The following MARCHF2 variants were observed in gnomAD, a reference collection of about 807,000 sequenced individuals.
The protein encoded by MARCHF2 is E3 ubiquitin-protein ligase MARCHF2.
MARCHF2 carries 22 observed loss-of-function variants against 24.0 expected under a neutral mutation model. The ratio of observed to expected loss-of-function variants is 0.92; its 90% confidence interval spans 0.66 to 1.31. The LOEUF (loss-of-function observed/expected upper bound fraction) is 1.31. Ranked by LOEUF, MARCHF2 falls within the 50% of genes most tolerant of loss-of-function variation. The probability of loss-of-function intolerance (pLI) is 0.00; values close to 1 mark genes in which losing one functional copy is unlikely to be tolerated. For synonymous variants in MARCHF2, 154 were observed against 153.0 expected (o/e 1.01, Z -0.05); for missense variants, 301 against 335.3 (o/e 0.90, Z 0.80).
intron 3 of MARCHF2, among the ~76,000 whole-genome samples, chr19:8,429,890 G>A (rs1333422596): frequency 3.4e-5 from 5 of 146,574 alleles, no homozygotes; most frequent in Non-Finnish European, 5.9e-5. Context: ...AGCCAAAGAC[G>A]CTTCGGCCCT....
At chr19:8,433,675 C>CAAAAAAAAAAA (rs143853447) in intron 4 of MARCHF2, among the ~76,000 whole-genome samples, 1 of 90,702 alleles carries the variant, frequency 1.1e-5, no homozygotes, top group African/African-American at 4.0e-5. Context: ...GACTCCGTCT[C>CAAAAAAAAAAA]AAAAAAAAAA....
intron 2 of MARCHF2, chr19:8,423,252 G>T (rs920176878): frequency 4.0e-5 from 6 of 150,810 alleles, no homozygotes; most frequent in African/African-American, 1.5e-4. Context: ...TTTTAGTAGA[G>T]ACGGGGTTTC....
intron 3 of MARCHF2, 145 bp downstream of exon 3, chr19:8,426,949 G>A: frequency 1.5e-6 from 1 of 676,028 alleles, no homozygotes; most frequent in Non-Finnish European, 2.5e-6. Flanking sequence ...GTCTGCTGAT[G>A]GTGTGTCAGA....
At chr19:8,414,221 T>G (rs1268336519) in intron 1 of MARCHF2, among the ~76,000 whole-genome samples, 1 of 152,184 alleles carries the variant, frequency 6.6e-6, no homozygotes, top group African/African-American at 2.4e-5. Context: ...CTAATAGTTA[T>G]TAACTTCTTA....
chr19:8,421,538 G>A (rs1226905430), intron 1 of MARCHF2, among the ~76,000 whole-genome samples: 1 of 151,982 alleles, frequency 6.6e-6, no homozygotes, highest in African/African-American at 2.4e-5. Context: ...GGGAAGCATA[G>A]CTTTTCTTAG....
chr19:8,421,703 C>T, intron 1 of MARCHF2, 86 bp from the exon 2 acceptor site: 1 of 695,454 alleles, frequency 1.4e-6, no homozygotes, highest in South Asian at 2.0e-5. Context: ...CTAGTGGTCC[C>T]TACAGCCTTG....
chr19:8,420,259 A>G (rs910678915), intron 1 of MARCHF2, among the ~76,000 whole-genome samples: 2 of 151,356 alleles, frequency 1.3e-5, no homozygotes, highest in Non-Finnish European at 2.9e-5. Context: ...GAGGCAGGAG[A>G]ATCGCTTGAA....
chr19:8,437,572 C>CG (rs950207141), intron 4 of MARCHF2, among the ~76,000 whole-genome samples: 54 of 150,412 alleles, frequency 3.6e-4, no homozygotes, highest in Middle Eastern at 3.3e-3. Flanking sequence ...AGGATGGTCT[C>CG]GATCTCCTGA....
intron 1 of MARCHF2, among the ~76,000 whole-genome samples, chr19:8,419,870 A>C (rs1476751010): frequency 6.8e-6 from 1 of 146,758 alleles, no homozygotes; most frequent in Non-Finnish European, 1.5e-5. Context: ...ATAAAAATAA[A>C]AATAATTGCC....
intron 1 of MARCHF2, among the ~76,000 whole-genome samples, chr19:8,416,915 A>G (rs962913098): frequency 1.1e-4 from 16 of 152,140 alleles, no homozygotes; most frequent in African/African-American, 3.9e-4. Flanking sequence ...CCTTTGAAGG[A>G]GACACTTATA....
chr19:8,428,649 C>CAAAAAAAAAAA lies in MARCHF2; in HGVS notation c.372+1869_372+1879dup, dbSNP rs59542078. On this transcript the variant is annotated intron_variant, in intron 3 of 4. Transcript: ENST00000215555. Reference sequence around the variant, plus strand: ...TGGGCAACAGATTGAGACTCTATCTCAAAAAAAAAAAAAAAAAAAAAAAAA... The same window carrying CAAAAAAAAAAA: ...TGGGCAACAGATTGAGACTCTATCTCAAAAAAAAAAAAAAAAAAAAAAAAAAAAAAAAAAAA... Among the ~76,000 whole-genome samples the CAAAAAAAAAAA allele has an allele frequency of 1.8e-3, 54 of 30,650 alleles. 10 individuals are homozygous for CAAAAAAAAAAA. The highest frequency in any genetic ancestry group is 2.1e-3 in the Non-Finnish European group (39 of 18,318). 20.1% of individuals were successfully genotyped at this position (30,650 alleles called of 152,430 possible). A position where few individuals can be genotyped will look rare whatever the true frequency, so the allele number is the denominator to read the frequency against.
chr19:8,415,951 T>C (rs1381084354), intron 1 of MARCHF2, among the ~76,000 whole-genome samples: 4 of 151,996 alleles, frequency 2.6e-5, no homozygotes, highest in Admixed American at 6.6e-5. Flanking sequence ...AGCCTCTAAA[T>C]ATCTCTGATG....
At chr19:8,433,310 AG>A (rs1461133626) in intron 4 of MARCHF2, among the ~76,000 whole-genome samples, 2 of 152,008 alleles carry the variant, frequency 1.3e-5, no homozygotes, top group Admixed American at 1.3e-4. Context: ...TGGGAGGCTG[AG>A]GGGGGCATAT....
At chr19:8,421,667 A>G (rs1192810488) in intron 1 of MARCHF2, 122 bp from the exon 2 acceptor site, 4 of 541,310 alleles carry the variant, frequency 7.4e-6, no homozygotes, top group Non-Finnish European at 1.3e-5. Flanking sequence ...AGATGGTGCA[A>G]ACTGAGGCTC....
Position 8,438,538 on chromosome 19 carries a change from C to A in MARCHF2, c.733C>A (p.Pro245Thr). 4 of 1,614,050 alleles carry A rather than the reference C, an allele frequency of 2.5e-6. No individual in the cohort carries two copies. Among genetic ancestry groups the A allele is most frequent in the African/African-American group, 1.3e-5 (1 of 75,044 alleles). ...GLLKKVAEET[P>T]V ...CCTGAAGAAGGTGGCAGAGGAGACA[C>A]CAGTATGAATGCTGGGCTCTCCGGA... Residue 245 changes from proline (P) to threonine (T), a missense_variant, in exon 5 of 5, where the codon CCA becomes ACA. Pro to Thr is a conservative substitution (Grantham distance 38). Coordinates refer to ENST00000215555, the MANE Select transcript of MARCHF2 (RefSeq NM_001005415.2).
chr19:8,432,072 C>T (rs374982368), intron 4 of MARCHF2, among the ~76,000 whole-genome samples: 25 of 151,990 alleles, frequency 1.6e-4, no homozygotes, highest in African/African-American at 5.3e-4. Flanking sequence ...GCAGGAGCAT[C>T]GCTTAAACCC....
chr19:8,420,369 TAAATAA>T (rs1366036093), intron 1 of MARCHF2, among the ~76,000 whole-genome samples: 16 of 136,256 alleles, frequency 1.2e-4, no homozygotes, highest in Non-Finnish European at 1.6e-4. Flanking sequence ...TAAATAAATA[TAAATAA>T]AAATACAAAA....
chr19:8,430,550 A>T lies in MARCHF2; in HGVS notation c.373-108A>T. On this transcript the variant is annotated intron_variant, in intron 3 of 4. Transcript: ENST00000215555. This position sits in a 1 kb window ranked among gnomAD's most constrained non-coding sequence, Gnocchi z 4.4. Reference sequence around the variant, plus strand: ...AATCTGTCTCAAAAAAAAAAAAAAGAAAGAAGGAAAGGACAGAGGGAGGCC... The same window carrying T: ...AATCTGTCTCAAAAAAAAAAAAAAGTAAGAAGGAAAGGACAGAGGGAGGCC... The T allele has an allele frequency of 1.2e-6, 1 of 810,830 alleles. No homozygotes were observed. The highest frequency in any genetic ancestry group is 1.9e-6 in the Non-Finnish European group (1 of 518,084). The allele number at this position is 810,830 out of a possible 1,614,324, so 50.2% of individuals were successfully genotyped here. A position where few individuals can be genotyped will look rare whatever the true frequency, so the allele number is the denominator to read the frequency against.
chr19:8,438,733 T>G lies in MARCHF2; in HGVS notation c.*187T>G, dbSNP rs1223179925. ...CTGTGTGAAGATATTTTCAGGGTTT[T>G]TTTTTTTTTTTTTTTGCATATGGAG... On this transcript the variant is annotated 3_prime_UTR_variant, in exon 5 of 5. Coordinates refer to ENST00000215555, the MANE Select transcript of MARCHF2 (RefSeq NM_001005415.2). The G allele has an allele frequency of 2.7e-5, 14 of 518,728 alleles. No individual in the cohort carries two copies. Among genetic ancestry groups the G allele is most frequent in the South Asian group, 8.7e-5 (3 of 34,470 alleles). 32.1% of individuals were successfully genotyped at this position (518,728 alleles called of 1,614,324 possible). A position where few individuals can be genotyped will look rare whatever the true frequency, so the allele number is the denominator to read the frequency against.
Sources: gnomAD v4.1 joint callset for allele counts (sites outside exome capture counted in the v4.1 genomes callset) on GRCh38, gnomAD v4.1.1 for gene constraint, Gnocchi (gnomAD v3.1) non-coding constraint, MANE v1.5 for transcripts, NCBI Gene and HGNC (gene_info 2026-07-23, HGNC 2026-07-21) for gene names.